SDC2: variants seen among roughly 807,000 people sequenced by gnomAD.
SDC2 encodes the protein syndecan-2.
Under a neutral mutation model 22.2 loss-of-function variants are expected in SDC2, and 13 were observed. The observed-to-expected ratio is 0.59, with a 90% CI of 0.38 to 0.93. The LOEUF (loss-of-function observed/expected upper bound fraction) is 0.93, where lower values mean the gene tolerates loss of function less well. Ranked by LOEUF, SDC2 falls within the 40% of genes least tolerant of loss-of-function variation. The pLI, the probability that SDC2 is intolerant of heterozygous loss-of-function variation, is 0.00. For synonymous variants in SDC2, 94 were observed against 92.8 expected (o/e 1.01, Z -0.07); for missense variants, 235 against 246.8 (o/e 0.95, Z 0.32).
At chr8:96,518,424 G>A (rs1271981293) in intron 1 of SDC2, among the ~76,000 whole-genome samples, 14 of 149,066 alleles carry the variant, frequency 9.4e-5, no homozygotes, top group African/African-American at 7.4e-5. Context: ...GCAGTGGCGC[G>A]ATCTCGGCCC....
chr8:96,515,374 C>G (rs1813386232), intron 1 of SDC2, among the ~76,000 whole-genome samples: 1 of 152,206 alleles, frequency 6.6e-6, no homozygotes, highest in East Asian at 1.9e-4. Context: ...ACCATTTCCT[C>G]TCTTAGAGAT....
At chr8:96,532,622 C>G (rs1481961849) in intron 1 of SDC2, among the ~76,000 whole-genome samples, 1 of 152,032 alleles carries the variant, frequency 6.6e-6, no homozygotes, top group Non-Finnish European at 1.5e-5. Context: ...AGTACCCAGA[C>G]AGCATGACAC....
intron 1 of SDC2, among the ~76,000 whole-genome samples, chr8:96,496,774 G>T (rs1813083420): frequency 6.6e-6 from 1 of 152,138 alleles, no homozygotes; most frequent in Non-Finnish European, 1.5e-5. Flanking sequence ...AGCTCTGGGG[G>T]TAAAAAAGAG....
intron 1 of SDC2, among the ~76,000 whole-genome samples, chr8:96,527,491 G>A (rs1024880307): frequency 1.3e-5 from 2 of 152,118 alleles, no homozygotes; most frequent in Non-Finnish European, 2.9e-5. Flanking sequence ...TTACATGCCC[G>A]TCAGTGGCTC....
intron 1 of SDC2, among the ~76,000 whole-genome samples, chr8:96,518,651 C>T (rs1425891489): frequency 6.6e-6 from 1 of 152,194 alleles, no homozygotes; most frequent in Non-Finnish European, 1.5e-5. Context: ...GCCACCGTGC[C>T]TGGCCTACCT....
rs1486918527 is a variant in SDC2, at chr8:96,504,191, T to A, written c.60+9860T>A. 7.9e-5 allele frequency among the ~76,000 whole-genome samples: 12 copies of A among 152,358 alleles called. No homozygotes were observed. In the East Asian group the frequency reaches 1.9e-3, roughly 24 times the overall value. On this transcript the variant is annotated intron_variant, in intron 1 of 4. Transcript: ENST00000302190. ...CTGAAGGCATATTATATTTGGCTAG[T>A]ACATCTGTGCTTCGGACTCAATTCA...
Position 96,602,528 on chromosome 8 carries a change from G to A in SDC2, c.306G>A (p.Lys102=). ...AGAACAAGATACCTGCTCAGACAAA[G>A]GTGCGTTCTATTTTCCATTGCATTG... ...NIQNKIPAQT[K]SPEETDKEKV... The change falls in exon 3 of 5, where the codon AAG becomes AAA. Residue 102 remains lysine, a splice_region_variant and synonymous_variant. Transcript: ENST00000302190. 1.2e-6 allele frequency: 2 copies of A among 1,614,000 alleles called. No individual in the cohort carries two copies. The highest frequency in any genetic ancestry group is 1.7e-6 in the Non-Finnish European group (2 of 1,179,932).
chr8:96,541,238 G>A (rs1001324589), intron 1 of SDC2, among the ~76,000 whole-genome samples: 1 of 152,036 alleles, frequency 6.6e-6, no homozygotes, highest in Non-Finnish European at 1.5e-5. Flanking sequence ...AGACCATCCT[G>A]GCCAACATGG....
At chr8:96,574,985 T>C (rs1308178064) in intron 1 of SDC2, among the ~76,000 whole-genome samples, 1 of 152,180 alleles carries the variant, frequency 6.6e-6, no homozygotes, top group Admixed American at 6.5e-5. Context: ...CCCTCACATG[T>C]GCAGTTCACA....
intron 1 of SDC2, 116 bp downstream of exon 1, chr8:96,494,447 C>T: frequency 1.1e-6 from 1 of 905,990 alleles, no homozygotes; most frequent in Non-Finnish European, 1.6e-6. Context: ...AAGTATACAC[C>T]GGAGATCCGC....
At chr8:96,538,155 T>C (rs1563653372) in intron 1 of SDC2, among the ~76,000 whole-genome samples, 1 of 152,024 alleles carries the variant, frequency 6.6e-6, no homozygotes. Context: ...AGAGACGGGG[T>C]TTCACCATGT....
chr8:96,583,388 A>G (rs1814625446), intron 1 of SDC2, among the ~76,000 whole-genome samples: 1 of 54,668 alleles, frequency 1.8e-5, no homozygotes, highest in Non-Finnish European at 4.8e-5. Context: ...AATATATATG[A>G]CATATGTGTG....
chr8:96,594,997 T>C (rs969404091), intron 2 of SDC2, among the ~76,000 whole-genome samples: 5 of 152,142 alleles, frequency 3.3e-5, no homozygotes, highest in Non-Finnish European at 7.3e-5. Flanking sequence ...GGAACTACAA[T>C]TTAAGATGAG....
chr8:96,562,712 C>A (rs1814230273), intron 1 of SDC2, among the ~76,000 whole-genome samples: 1 of 152,194 alleles, frequency 6.6e-6, no homozygotes, highest in Non-Finnish European at 1.5e-5. Flanking sequence ...ACCTTCAAAT[C>A]TTCATTCTAG....
intron 2 of SDC2, among the ~76,000 whole-genome samples, chr8:96,599,970 G>A (rs139227508): frequency 1.8e-4 from 28 of 152,104 alleles, no homozygotes; most frequent in African/African-American, 2.2e-4. Flanking sequence ...TTGAGACCCC[G>A]TCTCAACAAC....
At chr8:96,545,085 C>G (rs1306378862) in intron 1 of SDC2, among the ~76,000 whole-genome samples, 3 of 152,196 alleles carry the variant, frequency 2.0e-5, no homozygotes, top group Non-Finnish European at 4.4e-5. Context: ...AGCTGTCCCA[C>G]CTGACTAGCT....
chr8:96,576,437 T>TTTTTTTTA (rs1814503759), intron 1 of SDC2, among the ~76,000 whole-genome samples: 1 of 70,028 alleles, frequency 1.4e-5, no homozygotes, highest in African/African-American at 4.7e-5. Context: ...TTTTTTTTTT[T>TTTTTTTTA]GAGACGGAGT....
At chr8:96,498,238 C>T (rs1451697898) in intron 1 of SDC2, among the ~76,000 whole-genome samples, 1 of 152,112 alleles carries the variant, frequency 6.6e-6, no homozygotes, top group African/African-American at 2.4e-5. Flanking sequence ...GCAGATATCC[C>T]CCTGCCTTCT....
At chr8:96,591,405 TTGTGACA>T (rs1814779054) in intron 1 of SDC2, among the ~76,000 whole-genome samples, 1 of 152,184 alleles carries the variant, frequency 6.6e-6, no homozygotes, top group Non-Finnish European at 1.5e-5. Flanking sequence ...CCTGGAGGTC[TTGTGACA>T]TGTAACTCTG....
Sources: gnomAD v4.1 joint callset for allele counts (sites outside exome capture counted in the v4.1 genomes callset) on GRCh38, gnomAD v4.1.1 for gene constraint, MANE v1.5 for transcripts, NCBI Gene and HGNC (gene_info 2026-07-23, HGNC 2026-07-21) for gene names.